The following LRRC8C variants were observed in gnomAD, a reference collection of about 807,000 sequenced individuals.
LRRC8C encodes the protein leucine rich repeat containing 8 VRAC subunit C, also known as volume-regulated anion channel subunit LRRC8C.
A neutral mutation model predicts 55.3 loss-of-function variants in LRRC8C; 20 were observed. The ratio of observed to expected loss-of-function variants is 0.36; its 90% CI spans 0.25 to 0.53. The LOEUF (loss-of-function observed/expected upper bound fraction) is 0.53, where lower values mean the gene tolerates loss of function less well. Among genes scored for constraint, LRRC8C ranks in the 20% least tolerant of loss-of-function variants. The probability of loss-of-function intolerance (pLI) is 0.92; values close to 1 mark genes in which losing one functional copy is unlikely to be tolerated. For synonymous variants in LRRC8C, 376 were observed against 360.7 expected (o/e 1.04, Z -0.48); for missense variants, 659 against 951.4 (o/e 0.69, Z 4.04).
intron 1 of LRRC8C, among the ~76,000 whole-genome samples, chr1:89,667,877 G>A (rs573058505): frequency 6.6e-6 from 1 of 152,184 alleles, no homozygotes; most frequent in Admixed American, 6.5e-5. Context: ...CCTGCTTCTG[G>A]AAACATTGTG....
intron 2 of LRRC8C, among the ~76,000 whole-genome samples, chr1:89,693,974 A>G (rs928591083): frequency 6.6e-6 from 1 of 151,908 alleles, no homozygotes; most frequent in African/African-American, 2.4e-5. Context: ...TAAAGTTTCC[A>G]TGTACCCACC....
rs375352217 is a variant in LRRC8C at position 89,658,248 on chromosome 1, A to G, written c.-5+24926A>G. Among the ~76,000 whole-genome samples the G allele has an allele frequency of 2.0e-4, 30 of 152,308 alleles. 1 individual carries two copies. Among genetic ancestry groups the G allele is most frequent in the African/African-American group, 7.0e-4 (29 of 41,574 alleles). On this transcript the variant is annotated intron_variant, in intron 1 of 2. Coordinates refer to ENST00000370454, the MANE Select transcript of LRRC8C (RefSeq NM_032270.5). ...CGACCTCTTCCTGTTGACATATTTG[A>G]ACTGAATCAAAATTATTTGAGTGAT...
chr1:89,662,807 T>G (rs1202761854), intron 1 of LRRC8C, among the ~76,000 whole-genome samples: 1 of 152,120 alleles, frequency 6.6e-6, no homozygotes, highest in Admixed American at 6.5e-5. Context: ...GGGGTAGATA[T>G]TATTTTCCTA....
intron 1 of LRRC8C, among the ~76,000 whole-genome samples, chr1:89,642,191 G>C (rs1557645880): frequency 6.6e-6 from 1 of 152,062 alleles, no homozygotes; most frequent in Non-Finnish European, 1.5e-5. Flanking sequence ...TTTTCTTGAG[G>C]ACGCTTTTTT....
chr1:89,638,270 T>G (rs1278078357), intron 1 of LRRC8C, among the ~76,000 whole-genome samples: 1 of 152,202 alleles, frequency 6.6e-6, no homozygotes, highest in African/African-American at 2.4e-5. Flanking sequence ...CCGGAAACAC[T>G]AGAGAGAACA....
At chr1:89,649,710 C>T (rs10801761) in intron 1 of LRRC8C, among the ~76,000 whole-genome samples, 84,652 of 151,842 alleles carry the variant, frequency 0.56, 24,009 homozygotes, top group East Asian at 0.79. Flanking sequence ...GGCACTATTC[C>T]TTTGCCCAGG....
chr1:89,714,061 C>G lies in LRRC8C; in HGVS notation c.1491C>G (p.Ser497Arg). 8 of 1,613,878 alleles carry G rather than the reference C, an allele frequency of 5.0e-6. No homozygotes were observed. The highest frequency in any genetic ancestry group is 6.8e-6 in the Non-Finnish European group (8 of 1,180,000). Residue 497 changes from serine to arginine, a missense_variant, in exon 3 of 3, where the codon AGC becomes AGG. Physicochemically the swap from Ser to Arg is moderately radical, Grantham distance 110. Transcript: ENST00000370454. This position sits in a 1 kb window ranked among gnomAD's most constrained non-coding sequence, Gnocchi z 4.6. ...SFLKENLKVL[S>R]VKFDDMRELP... is the part of the protein sequence containing the mutation. ...TGAAGGAAAACCTCAAGGTCTTGAG[C>G]GTCAAGTTTGATGACATGAGGGAAC...
rs575384538 is a variant in LRRC8C at position 89,681,416 on chromosome 1, T to C, written c.-4-5054T>C. 2.6e-5 allele frequency among the ~76,000 whole-genome samples: 4 copies of C among 152,314 alleles called. No homozygotes were observed. In the South Asian group the frequency reaches 8.3e-4, roughly 32 times the overall value. On this transcript the variant is annotated intron_variant, in intron 1 of 2. Coordinates refer to ENST00000370454, the MANE Select transcript of LRRC8C (RefSeq NM_032270.5). ...GGATTAATGCTGTGTTAGATATTGG[T>C]TTGGGGCCTTGTAATATGTTAATTC...
chr1:89,698,426 C>G (rs1371933935), intron 2 of LRRC8C, among the ~76,000 whole-genome samples: 7 of 152,112 alleles, frequency 4.6e-5, no homozygotes, highest in African/African-American at 1.7e-4. Flanking sequence ...CTTTAAAGAG[C>G]TTACTGGTCC....
intron 1 of LRRC8C, among the ~76,000 whole-genome samples, chr1:89,669,102 A>G (rs1657347263): frequency 1.3e-5 from 2 of 152,206 alleles, no homozygotes; most frequent in Non-Finnish European, 2.9e-5. Context: ...ATGGAATACT[A>G]CTCAGCCTTT....
chr1:89,678,640 C>T (rs1657614935), intron 1 of LRRC8C, among the ~76,000 whole-genome samples: 1 of 149,882 alleles, frequency 6.7e-6, no homozygotes, highest in Non-Finnish European at 1.5e-5. Flanking sequence ...GCAGATATTG[C>T]AGTGAGCCAA....
At chr1:89,633,975 C>T (rs935017448) in intron 1 of LRRC8C, among the ~76,000 whole-genome samples, 2 of 152,130 alleles carry the variant, frequency 1.3e-5, no homozygotes, top group Non-Finnish European at 1.5e-5. Flanking sequence ...CCAGCTGGTT[C>T]CCACCAATGA....
At chr1:89,651,050 G>A (rs538462378) in intron 1 of LRRC8C, among the ~76,000 whole-genome samples, 2 of 152,214 alleles carry the variant, frequency 1.3e-5, no homozygotes, top group East Asian at 3.9e-4. Flanking sequence ...ATAACACAGT[G>A]GGTAACAATA....
At chr1:89,666,921 C>A (rs6693717) in intron 1 of LRRC8C, among the ~76,000 whole-genome samples, 4 of 151,772 alleles carry the variant, frequency 2.6e-5, no homozygotes, top group Admixed American at 2.0e-4. Context: ...GAGTAATACC[C>A]GTATAGTACA....
At position 89,646,904 on chromosome 1, in the gene LRRC8C, C is replaced by T. The variant is rs182797843; in HGVS notation, c.-5+13582C>T. ...AATAAGTGCCACACTAACTTGTAAT[C>T]GACATGAAGATATGTAAAATTTACC... On this transcript the variant is annotated intron_variant, in intron 1 of 2. Transcript: ENST00000370454. 5.3e-5 allele frequency among the ~76,000 whole-genome samples: 8 copies of T among 152,154 alleles called. No homozygotes were observed. The East Asian group carries it at 1.5e-3, about 29-fold the overall frequency.
In LRRC8C at chr1:89,685,263, C is replaced by T. The variant is rs371106250; in HGVS notation, c.-4-1207C>T. Among the ~76,000 whole-genome samples the T allele has an allele frequency of 7.6e-3, 1,124 of 147,524 alleles. 6 individuals are homozygous for T. The highest frequency in any genetic ancestry group is 0.016 in the South Asian group (74 of 4,508). ...CCTCCCGAGTAGCTGGGACTACAGG[C>T]GCCCGCCACCGCGCCCGGCTAATTT... On this transcript the variant is annotated intron_variant, in intron 1 of 2. Transcript: ENST00000370454.
At chr1:89,696,279 G>A (rs567618478) in intron 2 of LRRC8C, among the ~76,000 whole-genome samples, 2 of 152,324 alleles carry the variant, frequency 1.3e-5, no homozygotes, top group South Asian at 4.1e-4. Context: ...TTCCTGGTGA[G>A]CTAGGCCACA....
intron 1 of LRRC8C, among the ~76,000 whole-genome samples, chr1:89,679,761 T>G (rs1657647116): frequency 6.6e-6 from 1 of 152,210 alleles, no homozygotes. Flanking sequence ...GGTTCTTGTT[T>G]TCTTGAATGA....
chr1:89,642,269 A>G (rs1012805959), intron 1 of LRRC8C, among the ~76,000 whole-genome samples: 7 of 152,224 alleles, frequency 4.6e-5, no homozygotes, highest in South Asian at 2.1e-4. Context: ...GATTCTTTTG[A>G]CCATAGAGTA....
Sources: allele counts gnomAD v4.1 joint callset (sites outside exome capture counted in the v4.1 genomes callset), GRCh38; gene constraint gnomAD v4.1.1; non-coding constraint Gnocchi (gnomAD v3.1); transcripts MANE v1.5; gene names NCBI Gene and HGNC (gene_info 2026-07-23, HGNC 2026-07-21).